FAT1: variants seen among roughly 807,000 people sequenced by gnomAD.
The protein encoded by FAT1 is protocadherin Fat 1.
FAT1 carries 171 observed loss-of-function variants against 329.8 expected under a neutral mutation model. That is an observed-to-expected ratio of 0.52 (90% CI 0.46 to 0.59). The LOEUF is 0.59. Among genes scored for constraint, FAT1 ranks in the 20% least tolerant of loss-of-function variants. The probability of loss-of-function intolerance (pLI) is 0.00; values close to 1 mark genes in which losing one functional copy is unlikely to be tolerated. For missense variants in FAT1, 5,672 were observed against 5,774.4 expected (o/e 0.98, Z 0.57); for synonymous variants, 2,233 against 2,228.6 (o/e 1.00, Z -0.06).
intron 17 of FAT1, among the ~76,000 whole-genome samples, chr4:186,605,361 C>T (rs1388185396): frequency 9.7e-6 from 1 of 103,148 alleles, no homozygotes; most frequent in Non-Finnish European, 1.9e-5. Flanking sequence ...GGAGTGGCGA[C>T]GAGGTGGAGG....
chr4:186,667,811 T>G (rs1266474192), intron 2 of FAT1, among the ~76,000 whole-genome samples: 1 of 151,896 alleles, frequency 6.6e-6, no homozygotes, highest in Non-Finnish European at 1.5e-5. Context: ...AGCCCTGGAG[T>G]GATGAGGAAA....
At chr4:186,656,220 C>T (rs994400680) in intron 3 of FAT1, among the ~76,000 whole-genome samples, 3 of 152,170 alleles carry the variant, frequency 2.0e-5, no homozygotes, top group African/African-American at 4.8e-5. Flanking sequence ...ATGACTTGGG[C>T]GTGACACAGA....
rs374816994 is a variant in FAT1 at position 186,588,960 on chromosome 4, C to T, written c.13399G>A (p.Asp4467Asn). The change falls in exon 27 of 27, where the codon GAC becomes AAC. Residue 4467 changes from aspartate (D) to asparagine (N), a missense_variant. Transcript: ENST00000441802. Reference sequence around the variant, plus strand: ...CCCAAGCTACCCGCGGCAGGCATGTCTCTAGGAGGGTGGATGGATTCAAAC... The same window carrying T: ...CCCAAGCTACCCGCGGCAGGCATGTTTCTAGGAGGGTGGATGGATTCAAAC... ...NQFESIHPPR[D>N]MPAAGSLGSS... 9.1e-5 allele frequency: 147 copies of T among 1,613,874 alleles called. No homozygotes were observed. Among genetic ancestry groups the T allele is most frequent in the Non-Finnish European group, 1.2e-4 (143 of 1,179,902 alleles).
Position 186,636,189 on chromosome 4 carries a change from C to T in FAT1, c.4019G>A (p.Arg1340Lys). The T allele has an allele frequency of 1.2e-6, 2 of 1,614,008 alleles. No homozygotes were observed. Among genetic ancestry groups the T allele is most frequent in the Non-Finnish European group, 1.7e-6 (2 of 1,179,888 alleles). Residue 1340 changes from arginine to lysine, a missense_variant, in exon 6 of 27, where the codon AGA (arginine) becomes AAA (lysine). Arg to Lys is a conservative substitution (Grantham distance 26). Transcript: ENST00000441802. Reference protein sequence around the residue: ...NGRPQKSSTTRLHIEWISKPK... With the variant: ...NGRPQKSSTTKLHIEWISKPK... ...CTTGGAGATCCATTCAATATGGAGT[C>T]TGGTGGTTGATGACTTTTGAGGGCG...
At chr4:186,720,948 T>C (rs1745444702) in intron 1 of FAT1, among the ~76,000 whole-genome samples, 1 of 152,190 alleles carries the variant, frequency 6.6e-6, no homozygotes, top group Non-Finnish European at 1.5e-5. Flanking sequence ...ACACTGCAGG[T>C]GGCTGCTCTG....
chr4:186,590,426 A>G (rs1311014959), intron 26 of FAT1: 1 of 1,288,216 alleles, frequency 7.8e-7, no homozygotes, highest in Admixed American at 2.3e-5. Context: ...GAGTAGAAAA[A>G]AAAGAAAACA....
intron 17 of FAT1, among the ~76,000 whole-genome samples, 186 bp downstream of exon 17, chr4:186,605,884 G>GA (rs1739108507): frequency 6.6e-6 from 1 of 152,070 alleles, no homozygotes; most frequent in African/African-American, 2.4e-5. Flanking sequence ...AGCACGGAAA[G>GA]GAAAGAGATA....
In FAT1 at chr4:186,609,826, G is replaced by A. The variant is rs1173149913; in HGVS notation, c.10043C>T (p.Ala3348Val). ...DTYTTVISED[A>V]VLEQSVITVM... ...CGTGATGACAGACTGCTCAAGAACG[G>A]CATCTTCACTGATGACTGTCGTGTA... The change falls in exon 15 of 27, where the codon GCC becomes GTC. Residue 3348 changes from alanine to valine, a missense_variant. Around this residue, in one of 2 missense-constraint regions of FAT1, gnomAD observed 1,706 missense variants for 1,859.1 expected, o/e 0.92. Transcript: ENST00000441802. 1 of 1,612,694 alleles carries A rather than the reference G, an allele frequency of 6.2e-7. No individual in the cohort carries two copies. Among genetic ancestry groups the A allele is most frequent in the South Asian group, 1.1e-5 (1 of 91,052 alleles).
At chr4:186,709,906 A>G (rs1744875543) in intron 1 of FAT1, 61 bp from the exon 2 acceptor site, 3 of 1,409,438 alleles carry the variant, frequency 2.1e-6, no homozygotes, top group East Asian at 2.5e-5. Flanking sequence ...AAGTGTGTAC[A>G]TTGTTTTAAA....
rs2126686000 is a variant in FAT1, at chr4:186,707,142, C to A, written c.2686G>T (p.Glu896Ter). ...ELQHEHSLKI[E>*]ARDQAREEPQ... ...TCTTCTCTGGCTTGGTCCCTGGCCTCAATCTTTAAGGAGTGCTCATGCTGC... is the reference window on the plus strand; with the variant it reads ...TCTTCTCTGGCTTGGTCCCTGGCCTAAATCTTTAAGGAGTGCTCATGCTGC... Residue 896 changes from glutamate (E) to a stop codon, truncating the protein, a stop_gained, in exon 2 of 27, where the codon GAG becomes TAG. Transcript: ENST00000441802. LOFTEE classifies it high-confidence loss of function. The A allele has an allele frequency of 6.2e-7, 1 of 1,613,918 alleles. No homozygotes were observed. The highest frequency in any genetic ancestry group is 1.3e-5 in the African/African-American group (1 of 75,050).
chr4:186,701,473 G>A lies in FAT1; in HGVS notation c.3265+5090C>T, dbSNP rs114487059. ...CTGCTGCCACTTCAGGGAGGAGCCAGCAACACAAAAGCCCTTTCACCAGCA... is the reference window on the plus strand; with the variant it reads ...CTGCTGCCACTTCAGGGAGGAGCCAACAACACAAAAGCCCTTTCACCAGCA... On this transcript the variant is annotated intron_variant, in intron 2 of 26. Transcript: ENST00000441802. 5.1e-3 allele frequency among the ~76,000 whole-genome samples: 773 copies of A among 152,294 alleles called. 6 individuals carry two copies. The highest frequency in any genetic ancestry group is 0.018 in the African/African-American group (729 of 41,562).
intron 20 of FAT1, 31 bp from the exon 21 acceptor site, chr4:186,601,457 A>C (rs1738816640): frequency 1.9e-6 from 3 of 1,587,472 alleles, no homozygotes; most frequent in Non-Finnish European, 1.7e-6. Flanking sequence ...AAAATAAACC[A>C]GAACCAAGTT....
chr4:186,639,756 A>G lies in FAT1; in HGVS notation c.3608T>C (p.Leu1203Pro). Residue 1203 changes from leucine to proline, a missense_variant, in exon 4 of 27, where the codon CTA becomes CCA. Coordinates refer to ENST00000441802, the MANE Select transcript of FAT1 (RefSeq NM_005245.4). ...GTGTTCATCTTGCTGTTCTCGGTCT[A>G]GCTTCCTTGACGTAGTTGTGATGAG... is the stretch of plus-strand genomic sequence containing the variant. ...TGLITTTSRKLDREQQDEHIL... is the reference protein window; with the variant it reads ...TGLITTTSRKPDREQQDEHIL... 6.2e-7 allele frequency: 1 copy of G among 1,613,262 alleles called. No homozygotes were observed. Among genetic ancestry groups the G allele is most frequent in the Non-Finnish European group, 8.5e-7 (1 of 1,179,466 alleles).
chr4:186,597,072 C>T lies in FAT1; in HGVS notation c.12468G>A (p.Glu4156=), dbSNP rs184149651. ...HGSYHCNCSH[E]YRGRHCEDAA... is the part of the protein sequence containing the mutation. ...CATCCTCGCAGTGACGTCCCCTGTA[C>T]TCGTGGCTGCAGTTGCAGTGATAGG... Residue 4156 remains glutamate, a synonymous_variant, in exon 25 of 27, where the codon GAG becomes GAA. Transcript: ENST00000441802. 42 of 1,614,028 alleles carry T rather than the reference C, an allele frequency of 2.6e-5. No homozygotes were observed. The highest frequency in any genetic ancestry group is 3.4e-5 in the Non-Finnish European group (40 of 1,179,894).
intron 3 of FAT1, among the ~76,000 whole-genome samples, chr4:186,649,517 A>G (rs536822261): frequency 8.5e-5 from 13 of 152,174 alleles, no homozygotes; most frequent in Non-Finnish European, 1.3e-4. Context: ...ATTCAATAGC[A>G]AGAGTCTTTT....
chr4:186,679,558 G>A (rs35446605), intron 2 of FAT1, among the ~76,000 whole-genome samples: 1 of 150,668 alleles, frequency 6.6e-6, no homozygotes, highest in Non-Finnish European at 1.5e-5. Flanking sequence ...ATCTTATTTA[G>A]AAAACTGTCT....
At chr4:186,688,114 G>GAAAAAA (rs55834504) in intron 2 of FAT1, among the ~76,000 whole-genome samples, 1 of 55,648 alleles carries the variant, frequency 1.8e-5, no homozygotes, top group Non-Finnish European at 4.1e-5. Flanking sequence ...ACTCAAAGCT[G>GAAAAAA]AAAAAAAAAA....
rs456147 is a variant in FAT1, at chr4:186,688,463, G to A, written c.3265+18100C>T. On this transcript the variant is annotated intron_variant, in intron 2 of 26. Transcript: ENST00000441802. ...TCACAGGGGCTTCGGCAAATCCCCT[G>A]CAGTGAGATGGCCCCTGGGCAGCTC... Among the ~76,000 whole-genome samples, 1,284 of 152,264 alleles carry A rather than the reference G, an allele frequency of 8.4e-3. 14 individuals are homozygous for A. Among genetic ancestry groups the A allele is most frequent in the African/African-American group, 0.028 (1,158 of 41,538 alleles).
At chr4:186,602,808 T>C (rs1444794421) in intron 20 of FAT1, 95 bp downstream of exon 20, 5 of 1,298,492 alleles carry the variant, frequency 3.9e-6, no homozygotes, top group Admixed American at 2.4e-5. Flanking sequence ...AAACATACTT[T>C]GCAATATTTT....
Sources: allele counts gnomAD v4.1 joint callset (sites outside exome capture counted in the v4.1 genomes callset), GRCh38; gene constraint gnomAD v4.1.1; regional missense constraint gnomAD v4.1.1; transcripts MANE v1.5; gene names NCBI Gene and HGNC (gene_info 2026-07-23, HGNC 2026-07-21).